The following RPS6KC1 variants were observed in gnomAD, a reference collection of about 807,000 sequenced individuals.
RPS6KC1 encodes the protein ribosomal protein S6 kinase C1, also known as inactive ribosomal protein S6 kinase delta-1.
In RPS6KC1, 54 loss-of-function variants were observed where a neutral mutation model predicts 103.8. The ratio of observed to expected loss-of-function variants is 0.52; its 90% CI spans 0.42 to 0.65. The LOEUF (loss-of-function observed/expected upper bound fraction) is 0.65. RPS6KC1 is among the 30% of genes least tolerant of loss of function. The pLI is 0.00. For synonymous variants in RPS6KC1, 439 were observed against 438.7 expected (o/e 1.00, Z -0.01); for missense variants, 1,151 against 1,253.8 (o/e 0.92, Z 1.24).
At chr1:213,784,000 C>T in the RPS6KC1 span, among the ~76,000 whole-genome samples, 1 of 151,962 alleles carries the variant, frequency 6.6e-6, no homozygotes, top group Non-Finnish European at 1.5e-5. Flanking sequence ...GGAAAAAAAC[C>T]TCAAGCCACA....
At chr1:213,444,432 T>C in the RPS6KC1 span, among the ~76,000 whole-genome samples, 1 of 152,188 alleles carries the variant, frequency 6.6e-6, no homozygotes, top group Non-Finnish European at 1.5e-5. Flanking sequence ...GACTGTTCCC[T>C]GGGCTAAACT....
intron 4 of RPS6KC1, among the ~76,000 whole-genome samples, chr1:213,108,841 G>T (rs551165668): frequency 5.2e-4 from 79 of 151,910 alleles, no homozygotes; most frequent in African/African-American, 1.9e-3. Flanking sequence ...GTAGAGACAG[G>T]TTCTCACTGT....
chr1:213,314,843 G>A, the RPS6KC1 span, among the ~76,000 whole-genome samples: 6 of 151,806 alleles, frequency 4.0e-5, no homozygotes, highest in Admixed American at 1.3e-4. Context: ...TTTTTTTTAA[G>A]GACTTAATTA....
chr1:213,736,494 G>C, the RPS6KC1 span, among the ~76,000 whole-genome samples: 1 of 152,284 alleles, frequency 6.6e-6, no homozygotes, highest in East Asian at 1.9e-4. Context: ...AAGAGTTCTA[G>C]CTCTAGTCTA....
the RPS6KC1 span, among the ~76,000 whole-genome samples, chr1:213,830,558 CTT>C: frequency 1.3e-5 from 2 of 151,340 alleles, no homozygotes; most frequent in Non-Finnish European, 2.9e-5. Flanking sequence ...TCAGAAAACT[CTT>C]TGTTCTGTGC....
chr1:213,488,046 T>C, the RPS6KC1 span, among the ~76,000 whole-genome samples: 244 of 152,318 alleles, frequency 1.6e-3, 1 homozygote, highest in African/African-American at 5.7e-3. Flanking sequence ...CTTGATTCCT[T>C]CCCTAGACCA....
the RPS6KC1 span, among the ~76,000 whole-genome samples, chr1:213,513,902 T>C: frequency 6.6e-6 from 1 of 152,232 alleles, no homozygotes; most frequent in Non-Finnish European, 1.5e-5. Context: ...GATTCTGTGA[T>C]GGAATCTTGC....
At chr1:213,695,716 G>T in the RPS6KC1 span, among the ~76,000 whole-genome samples, 1 of 152,324 alleles carries the variant, frequency 6.6e-6, no homozygotes, top group Middle Eastern at 3.4e-3. Flanking sequence ...CTCAGGATAG[G>T]TTGTTGCTGT....
chr1:213,231,271 A>G (rs147565568), intron 9 of RPS6KC1, among the ~76,000 whole-genome samples: 4 of 152,342 alleles, frequency 2.6e-5, no homozygotes, highest in African/African-American at 7.2e-5. Flanking sequence ...AAATCTAGTT[A>G]CAGGTATTTT....
the RPS6KC1 span, among the ~76,000 whole-genome samples, chr1:213,597,047 G>A: frequency 2.0e-5 from 3 of 152,288 alleles, no homozygotes; most frequent in Admixed American, 2.0e-4. Context: ...AGGCTAGACT[G>A]TGCGCCAAGG....
intron 8 of RPS6KC1, among the ~76,000 whole-genome samples, chr1:213,205,840 G>A (rs941587647): frequency 6.6e-6 from 1 of 151,824 alleles, no homozygotes; most frequent in Non-Finnish European, 1.5e-5. Flanking sequence ...GGGACCAGAA[G>A]TGTTTCAGAT....
chr1:213,233,236 A>G (rs2094145267), intron 10 of RPS6KC1, among the ~76,000 whole-genome samples: 1 of 152,154 alleles, frequency 6.6e-6, no homozygotes, highest in Non-Finnish European at 1.5e-5. Flanking sequence ...GCAGTATTTA[A>G]TAGGAAATTC....
At chr1:213,635,585 C>T in the RPS6KC1 span, among the ~76,000 whole-genome samples, 57 of 152,170 alleles carry the variant, frequency 3.7e-4, no homozygotes, top group Non-Finnish European at 6.6e-4. Context: ...ATGCTAAAAA[C>T]TCTCAATAAA....
chr1:213,839,302 A>G, the RPS6KC1 span, among the ~76,000 whole-genome samples: 2 of 152,214 alleles, frequency 1.3e-5, no homozygotes, highest in South Asian at 2.1e-4. Flanking sequence ...TTTAAGTTTC[A>G]TAAGTGCATC....
chr1:213,722,299 A>G, the RPS6KC1 span, among the ~76,000 whole-genome samples: 1 of 152,180 alleles, frequency 6.6e-6, no homozygotes, highest in South Asian at 2.1e-4. Flanking sequence ...AAACTCCTCC[A>G]GTACCCAAAC....
the RPS6KC1 span, among the ~76,000 whole-genome samples, chr1:213,327,951 G>A: frequency 7.2e-5 from 11 of 152,252 alleles, no homozygotes; most frequent in Admixed American, 4.6e-4. Context: ...AAAGTCAGCT[G>A]ATGGTCACCT....
At chr1:213,218,164 AC>A (rs1212381324) in intron 8 of RPS6KC1, among the ~76,000 whole-genome samples, 1 of 152,208 alleles carries the variant, frequency 6.6e-6, no homozygotes, top group African/African-American at 2.4e-5. Context: ...CTGATAAGCA[AC>A]TTCAGCAAAG....
At chr1:213,498,977 T>A in the RPS6KC1 span, among the ~76,000 whole-genome samples, 38,300 of 151,026 alleles carry the variant, frequency 0.25, 5,453 homozygotes, top group Middle Eastern at 0.38. Flanking sequence ...ACAGGGTTTC[T>A]CCATGTTGTC....
the RPS6KC1 span, among the ~76,000 whole-genome samples, chr1:213,817,227 C>T: frequency 2.0e-5 from 3 of 152,288 alleles, no homozygotes; most frequent in South Asian, 2.1e-4. Flanking sequence ...CCCCAACGCA[C>T]GCATAGTCAT....
Sources: allele counts gnomAD v4.1 joint callset (sites outside exome capture counted in the v4.1 genomes callset), GRCh38; gene constraint gnomAD v4.1.1; transcripts MANE v1.5; gene names NCBI Gene and HGNC (gene_info 2026-07-23, HGNC 2026-07-21).